The following FOCAD variants were observed in gnomAD, a reference collection of about 807,000 sequenced individuals.
The protein encoded by FOCAD is KIAA1797.
FOCAD carries 198 observed loss-of-function variants against 225.6 expected under a neutral mutation model. The ratio of observed to expected loss-of-function variants is 0.88; its 90% CI spans 0.78 to 0.99. The LOEUF is 0.99. Among genes scored for constraint, FOCAD ranks in the 50% least tolerant of loss-of-function variants. FOCAD has a pLI of 0.00. For missense variants in FOCAD, 2,713 were observed against 2,123.6 expected, an observed-to-expected ratio of 1.28 and a Z score of -5.46; for synonymous variants, 897 against 755.0, an observed-to-expected ratio of 1.19 and a Z score of -3.08.
At chr9:20,966,965 A>C (rs989522665) in intron 35 of FOCAD, among the ~76,000 whole-genome samples, 4 of 151,834 alleles carry the variant, frequency 2.6e-5, no homozygotes, top group African/African-American at 9.7e-5. Context: ...TGAGTTCTGT[A>C]CATTTTTCTT....
Position 20,740,355 on chromosome 9 carries a change from T to G in FOCAD, c.392+15T>G. On this transcript the variant is annotated intron_variant, in intron 5 of 43. Transcript: ENST00000338382. ...TATACCATTAGGTAAGCCTTTTTTCTGTTTTTTTTTTAAACAAATATGAAT... is the reference window on the plus strand; with the variant it reads ...TATACCATTAGGTAAGCCTTTTTTCGGTTTTTTTTTTAAACAAATATGAAT... The G allele has an allele frequency of 7.2e-7, 1 of 1,382,758 alleles. No individual in the cohort carries two copies. The highest frequency in any genetic ancestry group is 1.7e-5 in the African/African-American group (1 of 58,468). The allele number at this position is 1,382,758 out of a possible 1,614,324, so 85.7% of individuals were successfully genotyped here.
intron 18 of FOCAD, among the ~76,000 whole-genome samples, chr9:20,870,345 A>T (rs547281212): frequency 1.3e-5 from 2 of 152,322 alleles, no homozygotes; most frequent in African/African-American, 4.8e-5. Flanking sequence ...TCCAAATAAA[A>T]TTCTCTGTTT....
At chr9:20,904,632 G>T (rs1832806305) in intron 21 of FOCAD, among the ~76,000 whole-genome samples, 1 of 151,922 alleles carries the variant, frequency 6.6e-6, no homozygotes. Flanking sequence ...CTAAGCCATA[G>T]GACTGTTCAT....
intron 28 of FOCAD, among the ~76,000 whole-genome samples, chr9:20,940,539 G>C (rs982467976): frequency 1.3e-5 from 2 of 151,988 alleles, no homozygotes; most frequent in Admixed American, 6.6e-5. Context: ...CCCAACCCTG[G>C]CCTCCCAAAG....
intron 35 of FOCAD, among the ~76,000 whole-genome samples, chr9:20,957,805 T>C (rs1829877068): frequency 6.8e-6 from 1 of 146,042 alleles, no homozygotes; most frequent in Admixed American, 7.0e-5. Flanking sequence ...TGCACCACCA[T>C]ACCTGGCCTT....
At chr9:20,954,316 G>T (rs1369580188) in intron 35 of FOCAD, among the ~76,000 whole-genome samples, 2 of 152,110 alleles carry the variant, frequency 1.3e-5, no homozygotes, top group African/African-American at 4.8e-5. Flanking sequence ...TACTAAATGA[G>T]AATCTAAAAT....
At chr9:20,804,156 T>G (rs1387446184) in intron 11 of FOCAD, among the ~76,000 whole-genome samples, 1 of 152,102 alleles carries the variant, frequency 6.6e-6, no homozygotes, top group Non-Finnish European at 1.5e-5. Flanking sequence ...GGTTTACAAG[T>G]AGAAGTCTCA....
rs745643317 is a variant in FOCAD, at chr9:20,933,032, G to A, written c.3336G>A (p.Glu1112=). 1.2e-6 allele frequency: 2 copies of A among 1,613,736 alleles called. No homozygotes were observed. The highest frequency in any genetic ancestry group is 1.7e-5 in the Admixed American group (1 of 60,020). Residue 1112 remains glutamate, a synonymous_variant, in exon 28 of 44, where the codon GAG becomes GAA. Transcript: ENST00000338382. ...TAACCAGTGATATATCTGGCCAAGAGATGAACCTTCTTCTGATGAAGTCGT... is the reference window on the plus strand; with the variant it reads ...TAACCAGTGATATATCTGGCCAAGAAATGAACCTTCTTCTGATGAAGTCGT... ...EEKLSDISGQ[E]MNLLLMKSLD...
chr9:20,931,304 C>T (rs1324262007), intron 27 of FOCAD, among the ~76,000 whole-genome samples: 1 of 152,158 alleles, frequency 6.6e-6, no homozygotes, highest in East Asian at 1.9e-4. Flanking sequence ...AGAATAACTA[C>T]AGATTTTAAC....
intron 37 of FOCAD, among the ~76,000 whole-genome samples, chr9:20,980,219 T>C (rs986187389): frequency 6.6e-6 from 1 of 152,172 alleles, no homozygotes; most frequent in Admixed American, 6.5e-5. Flanking sequence ...GTTTCATGTC[T>C]GAGAGATACA....
chr9:20,926,740 G>A (rs35399214), intron 26 of FOCAD, among the ~76,000 whole-genome samples: 30,568 of 149,612 alleles, frequency 0.2, 3,756 homozygotes, highest in South Asian at 0.33. Flanking sequence ...CCAAGATCGC[G>A]CCATTGCACT....
chr9:20,801,660 A>ATACATATCT, intron 11 of FOCAD, among the ~76,000 whole-genome samples: 1 of 152,300 alleles, frequency 6.6e-6, no homozygotes, highest in South Asian at 2.1e-4. Flanking sequence ...ATGGAGTAAA[A>ATACATATCT]TACATATCTG....
chr9:20,779,458 C>T lies in FOCAD; in HGVS notation c.994+690C>T, dbSNP rs189519349. 1.2e-4 allele frequency among the ~76,000 whole-genome samples: 18 copies of T among 152,204 alleles called. No individual in the cohort carries two copies. In the East Asian group the frequency reaches 3.1e-3, roughly 26 times the overall value. On this transcript the variant is annotated intron_variant, in intron 9 of 43. Coordinates refer to ENST00000338382, the MANE Select transcript of FOCAD (RefSeq NM_001375567.1). ...CTGCTGTTCTTAGTTTTAAAAAGTA[C>T]GTGAGAGGCCAGGCACGGTGGCTCA...
At chr9:20,744,732 T>G (rs573428497) in intron 5 of FOCAD, among the ~76,000 whole-genome samples, 1 of 152,340 alleles carries the variant, frequency 6.6e-6, no homozygotes, top group African/African-American at 2.4e-5. Context: ...TGCTGGCCAA[T>G]TGTTGCCATG....
At chr9:20,682,232 C>G (rs936318278), upstream of FOCAD, among the ~76,000 whole-genome samples, 1 of 152,214 alleles carries the variant, frequency 6.6e-6, no homozygotes, top group Non-Finnish European at 1.5e-5. Context: ...ATTACCCAGT[C>G]TAAGATACTT....
rs1178503536 is a variant in FOCAD, at chr9:20,929,452, G to A, written c.3173G>A (p.Cys1058Tyr). Reference sequence around the variant, plus strand: ...CTTGTGCCAGTTTTCATTATCTCTTGCAAAGAGAAGGTTGAGGAAATCCTG... The same window carrying A: ...CTTGTGCCAGTTTTCATTATCTCTTACAAAGAGAAGGTTGAGGAAATCCTG... ...SLLVPVFIIS[C>Y]KEKVEEILNM... The change falls in exon 27 of 44, where the codon TGC (cysteine) becomes TAC (tyrosine). Residue 1058 changes from cysteine to tyrosine, a missense_variant. Coordinates refer to ENST00000338382, the MANE Select transcript of FOCAD (RefSeq NM_001375567.1). The A allele has an allele frequency of 1.2e-6, 2 of 1,614,020 alleles. No homozygotes were observed. Among genetic ancestry groups the A allele is most frequent in the African/African-American group, 2.7e-5 (2 of 75,002 alleles).
chr9:20,841,892 A>G (rs1039924109), intron 15 of FOCAD, among the ~76,000 whole-genome samples: 8 of 151,802 alleles, frequency 5.3e-5, no homozygotes, highest in South Asian at 2.1e-4. Flanking sequence ...GCTTACTACT[A>G]TTGACTTCTA....
intron 4 of FOCAD, among the ~76,000 whole-genome samples, chr9:20,737,055 C>T (rs1400307860): frequency 1.3e-5 from 2 of 152,006 alleles, no homozygotes; most frequent in Non-Finnish European, 2.9e-5. Flanking sequence ...TTGATGCCAT[C>T]ATCTTTCAAA....
At chr9:20,859,904 G>A (rs1203006374) in intron 15 of FOCAD, among the ~76,000 whole-genome samples, 2 of 151,842 alleles carry the variant, frequency 1.3e-5, no homozygotes, top group African/African-American at 2.4e-5. Flanking sequence ...TAGATTTGAG[G>A]AGCTTAGGGG....
Sources: gnomAD v4.1 joint callset for allele counts (sites outside exome capture counted in the v4.1 genomes callset) on GRCh38, gnomAD v4.1.1 for gene constraint, MANE v1.5 for transcripts, NCBI Gene and HGNC (gene_info 2026-07-23, HGNC 2026-07-21) for gene names.